TAOK1: variants seen among roughly 807,000 people sequenced by gnomAD.
TAOK1 encodes the protein serine/threonine-protein kinase TAO1.
A neutral mutation model predicts 138.3 loss-of-function variants in TAOK1; 21 were observed. The observed-to-expected ratio is 0.15, with a 90% CI of 0.11 to 0.22. The LOEUF (loss-of-function observed/expected upper bound fraction) is 0.22, where lower values mean the gene tolerates loss of function less well. Among genes scored for constraint, TAOK1 ranks in the 10% least tolerant of loss-of-function variants. The probability of loss-of-function intolerance (pLI) is 1.00; values close to 1 mark genes in which losing one functional copy is unlikely to be tolerated. For missense variants in TAOK1, 651 were observed against 1,227.7 expected, an observed-to-expected ratio of 0.53 and a Z score of 7.02; for synonymous variants, 361 against 398.4, an observed-to-expected ratio of 0.91 and a Z score of 1.12.
chr17:29,511,012 T>G lies in TAOK1; in HGVS notation c.1704+20T>G. 1 of 1,569,796 alleles carries G rather than the reference T, an allele frequency of 6.4e-7. No homozygotes were observed. Among genetic ancestry groups the G allele is most frequent in the Non-Finnish European group, 8.6e-7 (1 of 1,163,734 alleles). On this transcript the variant is annotated intron_variant, in intron 15 of 19. Coordinates refer to ENST00000261716, the MANE Select transcript of TAOK1 (RefSeq NM_020791.4). ...AAAGAGGTACTTATGTCATAAAACT[T>G]TCCAAGCAAATTTTCTGCTTATTAA...
Position 29,451,573 on chromosome 17 carries a change from A to T in TAOK1, c.25A>T (p.Ser9Cys). 6.2e-7 allele frequency: 1 copy of T among 1,613,232 alleles called. No homozygotes were observed. The highest frequency in any genetic ancestry group is 2.2e-5 in the East Asian group (1 of 44,866). MPSTNRAG[S>C]LKDPEIAELF... Reference sequence around the variant, plus strand: ...GATGCCATCAACTAACAGAGCAGGCAGCCTGAAGGACCCTGAAATTGCAGA... The same window carrying T: ...GATGCCATCAACTAACAGAGCAGGCTGCCTGAAGGACCCTGAAATTGCAGA... The change falls in exon 2 of 20, where the codon AGC becomes TGC. Residue 9 changes from serine to cysteine, a missense_variant. This residue lies in a region of TAOK1 where 116 missense variants were observed against 213.9 expected (regional missense o/e 0.54). Transcript: ENST00000261716.
intron 1 of TAOK1, among the ~76,000 whole-genome samples, chr17:29,432,796 A>G (rs1003058360): frequency 6.6e-6 from 1 of 150,448 alleles, no homozygotes; most frequent in African/African-American, 2.4e-5. Context: ...TTTTTTAGAG[A>G]GAGACAGAGT....
At position 29,456,070 on chromosome 17, in the gene TAOK1, G is replaced by A. The variant is rs1298636776; in HGVS notation, c.132+4390G>A. Among the ~76,000 whole-genome samples, 4 of 150,220 alleles carry A rather than the reference G, an allele frequency of 2.7e-5. 1 individual carries two copies. The highest frequency in any genetic ancestry group is 6.6e-5 in the Admixed American group (1 of 15,212). Reference sequence around the variant, plus strand: ...TCTTCTTTAAATGTTTGGTAGGGCCGGGCGCGGTGGCTCATGCCTGTAATC... The same window carrying A: ...TCTTCTTTAAATGTTTGGTAGGGCCAGGCGCGGTGGCTCATGCCTGTAATC... On this transcript the variant is annotated intron_variant, in intron 2 of 19. Coordinates refer to ENST00000261716, the MANE Select transcript of TAOK1 (RefSeq NM_020791.4).
At chr17:29,501,221 TAAAA>T (rs66503222) in intron 12 of TAOK1, among the ~76,000 whole-genome samples, 282 of 120,596 alleles carry the variant, frequency 2.3e-3, no homozygotes, top group African/African-American at 8.5e-3. Context: ...CCCATCTGTT[TAAAA>T]AAAAAAAAAA....
chr17:29,442,517 GT>G (rs1745934898), intron 1 of TAOK1, among the ~76,000 whole-genome samples: 1 of 148,946 alleles, frequency 6.7e-6, no homozygotes, highest in East Asian at 2.0e-4. Flanking sequence ...TTTTGTTATT[GT>G]TTTTTGTAGA....
At position 29,517,575 on chromosome 17, in the gene TAOK1, A is replaced by G. The variant is rs75790207; in HGVS notation, c.1827A>G (p.Gln609=). Residue 609 remains glutamine, a synonymous_variant, in exon 16 of 20, where the codon CAA becomes CAG. Transcript: ENST00000261716. The stretch of plus-strand genomic sequence containing the variant: ...CTAACCTTCTTCGACGTCAAAGACA[A>G]TACCTAGAGCTGGAATGCCGTCGCT... ...EEANLLRRQR[Q]YLELECRRFK... The G allele has an allele frequency of 0.01, 16,211 of 1,614,016 alleles. 115 individuals carry two copies. The highest frequency in any genetic ancestry group is 0.012 in the Non-Finnish European group (14,569 of 1,180,002).
At chr17:29,472,043 T>A (rs745582993) in intron 3 of TAOK1, among the ~76,000 whole-genome samples, 24 of 152,190 alleles carry the variant, frequency 1.6e-4, no homozygotes, top group Non-Finnish European at 3.4e-4. Context: ...TCTGCAATTA[T>A]TTCCTCCACT....
intron 8 of TAOK1, among the ~76,000 whole-genome samples, chr17:29,486,634 GA>G (rs369044551): frequency 0.019 from 2,667 of 142,726 alleles, 78 homozygotes; most frequent in African/African-American, 0.063. Context: ...TCTGACTCAA[GA>G]AAAAAAAAAA....
chr17:29,511,116 T>C, intron 15 of TAOK1, 124 bp downstream of exon 15: 1 of 784,886 alleles, frequency 1.3e-6, no homozygotes, highest in South Asian at 3.3e-5. Context: ...AAATGGGTAT[T>C]AGTTTAAATG....
rs2153019070 is a variant in TAOK1, at chr17:29,390,888, G to A, written c.-231G>A. 1 of 152,294 alleles carries A rather than the reference G, an allele frequency of 6.6e-6. No individual in the cohort carries two copies. Among genetic ancestry groups the A allele is most frequent in the South Asian group, 2.1e-4 (1 of 4,824 alleles). The allele number at this position is 152,294 out of a possible 1,614,324, so 9.4% of individuals were successfully genotyped here. A position where few individuals can be genotyped will look rare whatever the true frequency, so the allele number is the denominator to read the frequency against. On this transcript the variant is annotated 5_prime_UTR_variant, in exon 1 of 20. Transcript: ENST00000261716. ...AGAGCTTGGGCTGGGCGGCTTGCTG[G>A]GGCTCGGGGGTGGGGGGCGGCGATC...
At chr17:29,419,492 A>AATTT (rs1905362225) in intron 1 of TAOK1, among the ~76,000 whole-genome samples, 1 of 137,766 alleles carries the variant, frequency 7.3e-6, no homozygotes, top group Admixed American at 7.4e-5. Flanking sequence ...GCCCGGCAGT[A>AATTT]TTTTTTTTTT....
At position 29,547,276 on chromosome 17, in the gene TAOK1, T is replaced by A. The variant is rs1364979831; in HGVS notation, c.*4254T>A. The stretch of plus-strand genomic sequence containing the variant: ...AGGATCAAAACAGCCAAGAAAGGAA[T>A]TACTGCTAAAGCATCTAAGATTCTC... On this transcript the variant is annotated 3_prime_UTR_variant, in exon 20 of 20. Transcript: ENST00000261716. 6.6e-6 allele frequency: 1 copy of A among 152,132 alleles called. No homozygotes were observed. The highest frequency in any genetic ancestry group is 1.5e-5 in the Non-Finnish European group (1 of 67,998). 9.4% of individuals were successfully genotyped at this position (152,132 alleles called of 1,614,324 possible). A position where few individuals can be genotyped will look rare whatever the true frequency, so the allele number is the denominator to read the frequency against.
intron 1 of TAOK1, among the ~76,000 whole-genome samples, chr17:29,417,157 G>C (rs1433319512): frequency 6.6e-6 from 1 of 152,126 alleles, no homozygotes; most frequent in Admixed American, 6.6e-5. Flanking sequence ...TGGGATTACA[G>C]GCGTCTGCTA....
At chr17:29,445,712 A>G (rs1370083937) in intron 1 of TAOK1, among the ~76,000 whole-genome samples, 1 of 152,016 alleles carries the variant, frequency 6.6e-6, no homozygotes, top group African/African-American at 2.4e-5. Flanking sequence ...TTAATTTGCT[A>G]ATTTTGTTGA....
At chr17:29,513,011 A>C (rs1191056701) in intron 15 of TAOK1, 1 of 151,578 alleles carries the variant, frequency 6.6e-6, no homozygotes, top group Admixed American at 6.6e-5. Flanking sequence ...ATCATTATTC[A>C]AGATAGTCAC....
chr17:29,525,455 G>A (rs973284167), intron 17 of TAOK1, among the ~76,000 whole-genome samples: 1 of 136,506 alleles, frequency 7.3e-6, no homozygotes, highest in African/African-American at 2.6e-5. Context: ...CGCCTAGGCT[G>A]GAGTGCAGTG....
chr17:29,535,619 G>A (rs748120423), intron 19 of TAOK1, among the ~76,000 whole-genome samples: 9 of 151,224 alleles, frequency 6.0e-5, no homozygotes, highest in African/African-American at 1.5e-4. Flanking sequence ...CTTGGGAGGC[G>A]GAGGCAAGCA....
intron 3 of TAOK1, among the ~76,000 whole-genome samples, chr17:29,472,922 T>G (rs2030859955): frequency 6.6e-6 from 1 of 152,210 alleles, no homozygotes; most frequent in Non-Finnish European, 1.5e-5. Context: ...TATTCCTTGA[T>G]CCATGGGCTG....
chr17:29,394,150 G>GTTTTGTTTTTTTTTT (rs1904514488), intron 1 of TAOK1, among the ~76,000 whole-genome samples: 3 of 48,246 alleles, frequency 6.2e-5, no homozygotes, highest in African/African-American at 7.8e-5. Context: ...TAATTTGCCA[G>GTTTTGTTTTTTTTTT]TTTTTTTTTT....
Sources: allele counts gnomAD v4.1 joint callset (sites outside exome capture counted in the v4.1 genomes callset), GRCh38; gene constraint gnomAD v4.1.1; regional missense constraint gnomAD v4.1.1; transcripts MANE v1.5; gene names NCBI Gene and HGNC (gene_info 2026-07-23, HGNC 2026-07-21).